CDK6: variants seen among roughly 807,000 people sequenced by gnomAD.
CDK6 encodes the protein cyclin dependent kinase 6, also known as cyclin-dependent kinase 6.
In CDK6, 6 loss-of-function variants were observed where a neutral mutation model predicts 37.1. That is an observed-to-expected ratio of 0.16 (90% CI 0.09 to 0.32). The LOEUF (loss-of-function observed/expected upper bound fraction) is 0.32, where lower values mean the gene tolerates loss of function less well. CDK6 is among the 10% of genes least tolerant of loss of function. The pLI, the probability that CDK6 is intolerant of heterozygous loss-of-function variation, is 1.00. For synonymous variants in CDK6, 160 were observed against 161.3 expected (o/e 0.99, Z 0.06); for missense variants, 224 against 418.9 (o/e 0.53, Z 4.06).
chr7:92,611,033 G>C lies in CDK6; in HGVS notation c.*4107C>G, dbSNP rs916304234. ...CATATTAATCCCACAGTTACCAGAT[G>C]ACCTTAGTATAAATTTTTACAATAT... is the stretch of plus-strand genomic sequence containing the variant. On this transcript the variant is annotated 3_prime_UTR_variant, in exon 8 of 8. Coordinates refer to ENST00000424848, the MANE Select transcript of CDK6 (RefSeq NM_001145306.2). 4.4e-5 allele frequency: 10 copies of C among 226,502 alleles called. No individual in the cohort carries two copies. The highest frequency in any genetic ancestry group is 2.0e-4 in the African/African-American group (9 of 44,926). 14.0% of individuals were successfully genotyped at this position (226,502 alleles called of 1,614,324 possible).
At chr7:92,819,442 T>C (rs1801115641) in intron 2 of CDK6, among the ~76,000 whole-genome samples, 1 of 152,032 alleles carries the variant, frequency 6.6e-6, no homozygotes, top group African/African-American at 2.4e-5. Flanking sequence ...TTTTAGATAT[T>C]GATTGTGGTG....
In CDK6 at chr7:92,717,162, T is replaced by C. The variant is rs139013287; in HGVS notation, c.537+8464A>G. Among the ~76,000 whole-genome samples the C allele has an allele frequency of 1.6e-3, 235 of 151,480 alleles. 1 individual carries two copies. The highest frequency in any genetic ancestry group is 4.5e-3 in the Admixed American group (68 of 15,158). ...TTTGAGATCAGCCTGGGCAACATAA[T>C]GAGACCCCCATCTCTTAAAAAAAAA... is the stretch of plus-strand genomic sequence containing the variant. On this transcript the variant is annotated intron_variant, in intron 4 of 7. Coordinates refer to ENST00000424848, the MANE Select transcript of CDK6 (RefSeq NM_001145306.2).
chr7:92,658,158 A>G (rs1279613950), intron 5 of CDK6, among the ~76,000 whole-genome samples: 1 of 152,230 alleles, frequency 6.6e-6, no homozygotes, highest in Non-Finnish European at 1.5e-5. Context: ...AGCTAAAAAC[A>G]GAGTTTAGTT....
At chr7:92,817,589 C>A (rs1444573226) in intron 2 of CDK6, among the ~76,000 whole-genome samples, 1 of 151,660 alleles carries the variant, frequency 6.6e-6, no homozygotes, top group Admixed American at 6.6e-5. Flanking sequence ...TTATTGGGAA[C>A]AAGCCAAAAA....
chr7:92,772,654 C>T (rs1799746407), intron 3 of CDK6, among the ~76,000 whole-genome samples: 1 of 152,142 alleles, frequency 6.6e-6, no homozygotes, highest in Non-Finnish European at 1.5e-5. Context: ...GTCTTCTCCT[C>T]CCCTTTCTTA....
At position 92,769,435 on chromosome 7, in the gene CDK6, G is replaced by C. The variant is rs192723210; in HGVS notation, c.369+5261C>G. On this transcript the variant is annotated intron_variant, in intron 3 of 7. Coordinates refer to ENST00000424848, the MANE Select transcript of CDK6 (RefSeq NM_001145306.2). Reference sequence around the variant, plus strand: ...ACCCTGTCCTATTTTAGAGGCTGCTGTTCTTTTGTGTGACCTTTCAGTGCC... The same window carrying C: ...ACCCTGTCCTATTTTAGAGGCTGCTCTTCTTTTGTGTGACCTTTCAGTGCC... 3.0e-3 allele frequency among the ~76,000 whole-genome samples: 463 copies of C among 152,280 alleles called. 1 individual carries two copies. Among genetic ancestry groups the C allele is most frequent in the African/African-American group, 0.011 (437 of 41,546 alleles).
chr7:92,686,200 A>T (rs967266163), intron 4 of CDK6, among the ~76,000 whole-genome samples: 1 of 152,136 alleles, frequency 6.6e-6, no homozygotes, highest in African/African-American at 2.4e-5. Context: ...TAAGTTCTTT[A>T]GCGGTGATTT....
intron 4 of CDK6, among the ~76,000 whole-genome samples, chr7:92,686,952 C>T (rs1652319027): frequency 6.6e-6 from 1 of 152,104 alleles, no homozygotes; most frequent in Admixed American, 6.5e-5. Flanking sequence ...GTCCTTAGCC[C>T]ACTTTTTCAA....
At chr7:92,720,331 A>G (rs769323125) in intron 4 of CDK6, among the ~76,000 whole-genome samples, 3 of 152,206 alleles carry the variant, frequency 2.0e-5, no homozygotes, top group African/African-American at 7.2e-5. Flanking sequence ...TATGGAGAAA[A>G]GAGGAGTGGG....
chr7:92,820,318 C>G (rs1056512784), intron 2 of CDK6, among the ~76,000 whole-genome samples: 8 of 152,144 alleles, frequency 5.3e-5, no homozygotes, highest in African/African-American at 1.9e-4. Context: ...AATGTTGAAC[C>G]TGGAGAGAAG....
At chr7:92,780,674 T>C (rs1799964510) in intron 2 of CDK6, among the ~76,000 whole-genome samples, 1 of 148,140 alleles carries the variant, frequency 6.8e-6, no homozygotes, top group Non-Finnish European at 1.5e-5. Flanking sequence ...GGCAGGAGAA[T>C]GGCGTGAACC....
chr7:92,836,430 G>A (rs1801677048), intron 1 of CDK6, 48 bp downstream of exon 1: 1 of 97,234 alleles, frequency 1.0e-5, no homozygotes, highest in African/African-American at 3.9e-5. Context: ...GATCTCCCCC[G>A]GGACCCCCCA....
At chr7:92,775,876 G>C (rs530563256) in intron 2 of CDK6, among the ~76,000 whole-genome samples, 4 of 152,114 alleles carry the variant, frequency 2.6e-5, no homozygotes, top group African/African-American at 9.6e-5. Context: ...GATGCACAGG[G>C]TTGACTATCA....
intron 2 of CDK6, among the ~76,000 whole-genome samples, chr7:92,783,557 T>C (rs1487634342): frequency 6.6e-6 from 1 of 152,186 alleles, no homozygotes; most frequent in Non-Finnish European, 1.5e-5. Flanking sequence ...CTTTCCAACT[T>C]TAGAGTTGCT....
At chr7:92,806,304 T>C (rs1273576976) in intron 2 of CDK6, among the ~76,000 whole-genome samples, 4 of 152,250 alleles carry the variant, frequency 2.6e-5, no homozygotes, top group African/African-American at 7.2e-5. Flanking sequence ...TTCAGTAAAG[T>C]GTTCTGAGCC....
rs1795631690 is a variant in CDK6, at chr7:92,614,602, CCT to C, written c.*536_*537del. ...GTGAATCACCTTCAGTGAACAAATGCCTGTTATTTACTGACCACCTTGAGTCT... is the reference window on the plus strand; with the variant it reads ...GTGAATCACCTTCAGTGAACAAATGCGTTATTTACTGACCACCTTGAGTCT... On this transcript the variant is annotated 3_prime_UTR_variant, in exon 8 of 8. Transcript: ENST00000424848. 4.3e-6 allele frequency: 1 copy of C among 233,692 alleles called. No homozygotes were observed. Among genetic ancestry groups the C allele is most frequent in the African/African-American group, 2.2e-5 (1 of 45,380 alleles). The allele number at this position is 233,692 out of a possible 1,614,324, so 14.5% of individuals were successfully genotyped here.
chr7:92,791,137 G>A (rs969471920), intron 2 of CDK6, among the ~76,000 whole-genome samples: 1 of 152,094 alleles, frequency 6.6e-6, no homozygotes, highest in Non-Finnish European at 1.5e-5. Context: ...ATATTTAGGA[G>A]GTTGAGTTGG....
chr7:92,682,500 T>C (rs1797360231), intron 4 of CDK6, among the ~76,000 whole-genome samples: 1 of 152,210 alleles, frequency 6.6e-6, no homozygotes, highest in African/African-American at 2.4e-5. Flanking sequence ...ATTGCAGCAC[T>C]TACATTGCAT....
intron 3 of CDK6, among the ~76,000 whole-genome samples, chr7:92,764,198 G>T (rs886907977): frequency 4.0e-4 from 60 of 151,786 alleles, no homozygotes; most frequent in African/African-American, 1.4e-3. Flanking sequence ...CTGTGCAGGG[G>T]TGTGATCATG....
Sources: gnomAD v4.1 joint callset for allele counts (sites outside exome capture counted in the v4.1 genomes callset) on GRCh38, gnomAD v4.1.1 for gene constraint, MANE v1.5 for transcripts, NCBI Gene and HGNC (gene_info 2026-07-23, HGNC 2026-07-21) for gene names.